GPRC6A: variants seen among roughly 807,000 people sequenced by gnomAD.
GPRC6A encodes G protein-coupled receptor class C group 6 member A.
A neutral mutation model predicts 47.0 loss-of-function variants in GPRC6A; 54 were observed. The ratio of observed to expected loss-of-function variants is 1.15; its 90% CI spans 0.92 to 1.44. GPRC6A has a LOEUF of 1.44. Among genes scored for constraint, GPRC6A ranks in the 40% most tolerant of loss-of-function variants. GPRC6A has a pLI of 0.00. For missense variants in GPRC6A, 1,112 were observed against 1,105.5 expected (o/e 1.01, Z -0.08); for synonymous variants, 347 against 377.1 (o/e 0.92, Z 0.93).
chr6:116,819,739 G>T (rs1002075628), intron 1 of GPRC6A, among the ~76,000 whole-genome samples: 44 of 151,736 alleles, frequency 2.9e-4, no homozygotes, highest in Non-Finnish European at 6.2e-4. Flanking sequence ...AGCACTAAAT[G>T]CCCACAAGAG....
At position 116,806,474 on chromosome 6, in the gene GPRC6A, G is replaced by A. The variant is rs1401237188; in HGVS notation, c.1231C>T (p.Leu411Phe). ...ACTGCAAGCTGAATACTATGAATGA[G>A]TCCTGGCTCAGCATAGTCCCAGAGG... ...DFLWDYAEPG[L>F]IHSIQLAVFA... Residue 411 changes from leucine (L) to phenylalanine (F), a missense_variant, in exon 3 of 6, where the codon CTC (leucine) becomes TTC (phenylalanine). Leu to Phe is a conservative substitution (Grantham distance 22, BLOSUM62 0). Coordinates refer to ENST00000310357, the MANE Select transcript of GPRC6A (RefSeq NM_148963.4). The A allele has an allele frequency of 6.2e-7, 1 of 1,613,336 alleles. No homozygotes were observed. Among genetic ancestry groups the A allele is most frequent in the East Asian group, 2.2e-5 (1 of 44,880 alleles).
At chr6:116,798,854 G>T (rs1377222617) in intron 4 of GPRC6A, among the ~76,000 whole-genome samples, 3 of 149,582 alleles carry the variant, frequency 2.0e-5, no homozygotes, top group Non-Finnish European at 4.4e-5. Flanking sequence ...CTGCATACTA[G>T]CCTGGATGAG....
At chr6:116,800,299 T>TC (rs1198311429) in intron 4 of GPRC6A, among the ~76,000 whole-genome samples, 1 of 132,526 alleles carries the variant, frequency 7.5e-6, no homozygotes, top group African/African-American at 2.8e-5. Flanking sequence ...CCTCTCTTTC[T>TC]CTCTCTCCCT....
intron 1 of GPRC6A, among the ~76,000 whole-genome samples, chr6:116,811,260 C>G (rs978412937): frequency 3.3e-5 from 5 of 151,970 alleles, no homozygotes; most frequent in African/African-American, 1.2e-4. Flanking sequence ...GCCAAAGGAC[C>G]CTGCCCAACC....
Position 116,792,537 on chromosome 6 carries a change from T to A in GPRC6A, c.2386A>T (p.Ile796Phe). The part of the protein sequence containing the change: ...FGMLIYFIAW[I>F]TFIPIYATTF... The stretch of plus-strand genomic sequence containing the variant: ...GTAGCATAGATAGGGATGAATGTGA[T>A]CCAAGCTATGAAGTAAATGAGCATG... Residue 796 changes from isoleucine (I) to phenylalanine (F), a missense_variant, in exon 6 of 6, where the codon ATC becomes TTC. Physicochemically the swap from Ile to Phe is conservative, Grantham distance 21. Transcript: ENST00000310357. 1 of 1,613,694 alleles carries A rather than the reference T, an allele frequency of 6.2e-7. No homozygotes were observed. The highest frequency in any genetic ancestry group is 8.5e-7 in the Non-Finnish European group (1 of 1,179,796).
intron 1 of GPRC6A, among the ~76,000 whole-genome samples, chr6:116,820,458 A>G (rs1773425973): frequency 6.6e-6 from 1 of 152,034 alleles, no homozygotes; most frequent in Admixed American, 6.6e-5. Flanking sequence ...AAAAATCCTC[A>G]ATAAAATACT....
intron 1 of GPRC6A, among the ~76,000 whole-genome samples, chr6:116,817,634 A>T (rs1256174247): frequency 6.6e-6 from 1 of 152,160 alleles, no homozygotes; most frequent in Admixed American, 6.5e-5. Flanking sequence ...AAACTTTGAA[A>T]AAAATTTAGA....
rs1230028288 is a variant in GPRC6A, at chr6:116,806,888, C to T, written c.817G>A (p.Val273Ile). 1 of 1,613,488 alleles carries T rather than the reference C, an allele frequency of 6.2e-7. No individual in the cohort carries two copies. The highest frequency in any genetic ancestry group is 1.7e-5 in the Admixed American group (1 of 59,876). Reference protein sequence around the residue: ...KKIILEAQVNVIVVFLRQFHV... With the variant: ...KKIILEAQVNIIVVFLRQFHV... ...AATTGCCTCAGAAATACCACAATGA[C>T]ATTAACCTGGGCTTCTAAAATGATT... Residue 273 changes from valine (V) to isoleucine (I), a missense_variant, in exon 3 of 6, where the codon GTC becomes ATC. Physicochemically the swap from Val to Ile is conservative, Grantham distance 29. Transcript: ENST00000310357.
chr6:116,818,549 A>T (rs1394235205), intron 1 of GPRC6A, among the ~76,000 whole-genome samples: 2 of 128,312 alleles, frequency 1.6e-5, no homozygotes, highest in African/African-American at 5.4e-5. Flanking sequence ...AAAAAAAAAA[A>T]AAAAAAAAAA....
chr6:116,826,820 G>A lies in GPRC6A; in HGVS notation c.194+2000C>T, dbSNP rs1421241913. 3.3e-5 allele frequency among the ~76,000 whole-genome samples: 5 copies of A among 151,814 alleles called. No homozygotes were observed. The East Asian group carries it at 5.8e-4, about 18-fold the overall frequency. On this transcript the variant is annotated intron_variant, in intron 1 of 5. Transcript: ENST00000310357. ...ACTTGTGTCCATCAATAGAAGAATA[G>A]ATAAAGAAAATGTGATATATATACA...
intron 2 of GPRC6A, among the ~76,000 whole-genome samples, chr6:116,808,632 C>T (rs1772928178): frequency 2.0e-5 from 3 of 152,080 alleles, no homozygotes; most frequent in Non-Finnish European, 4.4e-5. Flanking sequence ...TGTCTGCTCA[C>T]TTCTATCAGA....
chr6:116,792,831 G>C lies in GPRC6A; in HGVS notation c.2092C>G (p.Leu698Val). Residue 698 changes from leucine to valine, a missense_variant, in exon 6 of 6, where the codon CTG becomes GTG. Coordinates refer to ENST00000310357, the MANE Select transcript of GPRC6A (RefSeq NM_148963.4). ...FSFDPKLQKF[L>V]KCLYRPILII... ...AGGATCGGTCTATAGAGGCACTTCA[G>C]AAATTTCTGTAATTTGGGATCAAAG... 6.2e-7 allele frequency: 1 copy of C among 1,614,090 alleles called. No homozygotes were observed. The highest frequency in any genetic ancestry group is 1.1e-5 in the South Asian group (1 of 91,088).
At chr6:116,814,793 A>AT (rs1449997208) in intron 1 of GPRC6A, among the ~76,000 whole-genome samples, 1 of 152,196 alleles carries the variant, frequency 6.6e-6, no homozygotes, top group African/African-American at 2.4e-5. Context: ...GGCTGTATAA[A>AT]TAAAAAAAGC....
At chr6:116,819,746 A>G (rs1027205242) in intron 1 of GPRC6A, among the ~76,000 whole-genome samples, 2 of 151,744 alleles carry the variant, frequency 1.3e-5, no homozygotes, top group African/African-American at 4.8e-5. Flanking sequence ...AATGCCCACA[A>G]GAGAAAGCAG....
chr6:116,809,809 T>C (rs1450524512), intron 1 of GPRC6A, among the ~76,000 whole-genome samples, 192 bp from the exon 2 acceptor site: 1 of 152,182 alleles, frequency 6.6e-6, no homozygotes, highest in Admixed American at 6.5e-5. Context: ...ACCCACAGTT[T>C]CTTAAAAGGA....
intron 5 of GPRC6A, among the ~76,000 whole-genome samples, chr6:116,794,325 C>T (rs533304103): frequency 3.9e-5 from 6 of 152,200 alleles, no homozygotes; most frequent in Non-Finnish European, 8.8e-5. Flanking sequence ...TTTCTGTTTG[C>T]CCTGTAACCA....
chr6:116,806,524 C>A lies in GPRC6A; in HGVS notation c.1181G>T (p.Arg394Met). ...GAAGTCATTTCTCATGACGAAGTTC[C>A]TTTCTATAGCCTTGTTAGCCTTGTA... ...LAYKANKAIE[R>M]NFVMRNDFLW... Residue 394 changes from arginine to methionine, a missense_variant, in exon 3 of 6, where the codon AGG (arginine) becomes ATG (methionine). Arg to Met is a moderately conservative substitution (Grantham distance 91). Coordinates refer to ENST00000310357, the MANE Select transcript of GPRC6A (RefSeq NM_148963.4). 2 of 1,613,582 alleles carry A rather than the reference C, an allele frequency of 1.2e-6. No individual in the cohort carries two copies. The highest frequency in any genetic ancestry group is 2.2e-5 in the South Asian group (2 of 91,078).
intron 3 of GPRC6A, among the ~76,000 whole-genome samples, chr6:116,804,659 T>C (rs1772783246): frequency 6.6e-6 from 1 of 152,102 alleles, no homozygotes; most frequent in Non-Finnish European, 1.5e-5. Context: ...GACTCCAGGC[T>C]CCTAGTGTTT....
At chr6:116,825,390 G>T (rs1039376526) in intron 1 of GPRC6A, among the ~76,000 whole-genome samples, 3 of 151,890 alleles carry the variant, frequency 2.0e-5, no homozygotes, top group African/African-American at 7.2e-5. Flanking sequence ...CAGTAAAGTT[G>T]CAGGATACAA....
Sources: gnomAD v4.1 joint callset for allele counts (sites outside exome capture counted in the v4.1 genomes callset) on GRCh38, gnomAD v4.1.1 for gene constraint, MANE v1.5 for transcripts, NCBI Gene and HGNC (gene_info 2026-07-23, HGNC 2026-07-21) for gene names.